The following MTMR10 variants were observed in gnomAD, a reference collection of about 807,000 sequenced individuals.
MTMR10 encodes the protein myotubularin-related protein 10.
MTMR10 carries 56 observed loss-of-function variants against 88.1 expected under a neutral mutation model. The ratio of observed to expected loss-of-function variants is 0.64; its 90% confidence interval spans 0.51 to 0.79. The LOEUF (loss-of-function observed/expected upper bound fraction) is 0.79. Ranked by LOEUF, MTMR10 falls within the 30% of genes least tolerant of loss-of-function variation. The pLI is 0.00. For missense variants in MTMR10, 883 were observed against 924.7 expected (o/e 0.95, Z 0.58); for synonymous variants, 380 against 340.9 (o/e 1.11, Z -1.26).
chr15:30,953,204 G>T (rs756530070), intron 11 of MTMR10, among the ~76,000 whole-genome samples: 2 of 152,240 alleles, frequency 1.3e-5, no homozygotes, highest in Non-Finnish European at 2.9e-5. Context: ...AACAGACACA[G>T]ATGGCGATGA....
intron 14 of MTMR10, chr15:30,946,832 C>T: frequency 1.5e-6 from 1 of 672,762 alleles, no homozygotes; most frequent in Non-Finnish European, 2.7e-6. Context: ...ACCCAATAGC[C>T]CAAATGTGAA....
intron 3 of MTMR10, among the ~76,000 whole-genome samples, chr15:30,976,315 T>C (rs2030148864): frequency 1.3e-5 from 2 of 151,838 alleles, no homozygotes; most frequent in African/African-American, 4.8e-5. Flanking sequence ...GGTGGCAGGA[T>C]AGCTTGAGCC....
chr15:30,950,799 T>A (rs896364807), intron 12 of MTMR10, among the ~76,000 whole-genome samples: 1 of 152,184 alleles, frequency 6.6e-6, no homozygotes, highest in Non-Finnish European at 1.5e-5. Context: ...GATACCAAGA[T>A]CCACAAATGC....
At position 30,954,902 on chromosome 15, in the gene MTMR10, G is replaced by C; in HGVS notation, c.936-9C>G. 2.0e-6 allele frequency: 3 copies of C among 1,534,398 alleles called. No individual in the cohort carries two copies. The highest frequency in any genetic ancestry group is 2.5e-5 in the East Asian group (1 of 40,662). Reference sequence around the variant, plus strand: ...TTATTGCATTACAAATCCTAATAAAGACAAAAATACTTTAGTCATTACTCA... The same window carrying C: ...TTATTGCATTACAAATCCTAATAAACACAAAAATACTTTAGTCATTACTCA... On this transcript the variant is annotated splice_polypyrimidine_tract_variant and intron_variant, in intron 9 of 15. Coordinates refer to ENST00000435680, the MANE Select transcript of MTMR10 (RefSeq NM_017762.3).
At position 30,939,050 on chromosome 15, in the gene MTMR10, C is replaced by G; in HGVS notation, c.*2420G>C. 1 of 985,392 alleles carries G rather than the reference C, an allele frequency of 1.0e-6. No individual in the cohort carries two copies. The highest frequency in any genetic ancestry group is 1.2e-6 in the Non-Finnish European group (1 of 829,926). The allele number at this position is 985,392 out of a possible 1,614,324, so 61.0% of individuals were successfully genotyped here. On this transcript the variant is annotated 3_prime_UTR_variant, in exon 16 of 16. Transcript: ENST00000435680. ...CTCATCCCACTTGAACTCAAGTCAT[C>G]AATTTTAGGCACAAAGGTTTTAGTT... is the stretch of plus-strand genomic sequence containing the variant.
chr15:30,951,109 A>G (rs190358483), intron 12 of MTMR10, among the ~76,000 whole-genome samples: 1 of 152,360 alleles, frequency 6.6e-6, no homozygotes, highest in Admixed American at 6.5e-5. Flanking sequence ...TTTTTAGTCT[A>G]TTGAACTTTA....
chr15:30,933,018 C>A, the MTMR10 span, among the ~76,000 whole-genome samples: 3 of 152,020 alleles, frequency 2.0e-5, no homozygotes, highest in Admixed American at 1.3e-4. Context: ...CCGCACACGG[C>A]CATGTATTTC....
intron 5 of MTMR10, among the ~76,000 whole-genome samples, chr15:30,971,096 T>C (rs1284442564): frequency 6.6e-6 from 1 of 152,122 alleles, no homozygotes; most frequent in African/African-American, 2.4e-5. Context: ...GGCCCCATTC[T>C]TTGCACTTTT....
At chr15:30,925,012 A>C in the MTMR10 span, 3 of 1,110,966 alleles carry the variant, frequency 2.7e-6, no homozygotes, top group African/African-American at 4.7e-5. Context: ...CTGTTTGCTC[A>C]TTTGCTAATC....
At chr15:30,972,480 G>T (rs879088526) in intron 5 of MTMR10, among the ~76,000 whole-genome samples, 1 of 151,988 alleles carries the variant, frequency 6.6e-6, no homozygotes, top group Admixed American at 6.6e-5. Flanking sequence ...TCTGAAACTT[G>T]GTCTTAGGAA....
intron 14 of MTMR10, chr15:30,944,021 C>CA (rs375776610): frequency 0.036 from 34,554 of 970,566 alleles, 527 homozygotes; most frequent in Non-Finnish European, 0.038. Context: ...AATTTTCTAC[C>CA]AAAAAAAAAC....
intron 15 of MTMR10, chr15:30,942,555 T>C (rs2063090563): frequency 2.9e-6 from 1 of 341,340 alleles, no homozygotes; most frequent in South Asian, 7.6e-5. Context: ...AATATAGCAG[T>C]CAGGAGGCCA....
intron 4 of MTMR10, among the ~76,000 whole-genome samples, chr15:30,974,689 G>T (rs2029981727): frequency 6.6e-6 from 1 of 151,974 alleles, no homozygotes; most frequent in African/African-American, 2.4e-5. Context: ...CACATTTAAT[G>T]ATTAATTTTA....
intron 13 of MTMR10, 128 bp from the exon 14 acceptor site, chr15:30,947,428 C>T: frequency 9.1e-7 from 1 of 1,095,234 alleles, no homozygotes; most frequent in Non-Finnish European, 1.3e-6. Flanking sequence ...AAACACTTGC[C>T]TTCTAAGCTG....
At chr15:30,974,184 A>T in intron 5 of MTMR10, 130 bp downstream of exon 5, 2 of 886,636 alleles carry the variant, frequency 2.3e-6, no homozygotes, top group Non-Finnish European at 3.0e-6. Context: ...CTTTGACTTT[A>T]CTTAAGAAGA....
In MTMR10 at chr15:30,964,436, G is replaced by A. The variant is rs1230125477; in HGVS notation, c.566-3363C>T. ...AAATGAGAACATCTATATTTTCTAA[G>A]CATAAAGTGAGATCCTCTATCGTTT... On this transcript the variant is annotated intron_variant, in intron 6 of 15. Transcript: ENST00000435680. Among the ~76,000 whole-genome samples the A allele has an allele frequency of 2.0e-5, 3 of 152,298 alleles. No individual in the cohort carries two copies. The East Asian group carries it at 5.8e-4, about 29-fold the overall frequency.
Position 30,964,767 on chromosome 15 carries a change from G to A in MTMR10, c.565+3153C>T, listed in dbSNP as rs577832001. Reference sequence around the variant, plus strand: ...TGAGGTTTTATGACATGCCTCCACAGCAGACTAAGCGTGAAATAGATATTA... The same window carrying A: ...TGAGGTTTTATGACATGCCTCCACAACAGACTAAGCGTGAAATAGATATTA... On this transcript the variant is annotated intron_variant, in intron 6 of 15. Coordinates refer to ENST00000435680, the MANE Select transcript of MTMR10 (RefSeq NM_017762.3). Among the ~76,000 whole-genome samples the A allele has an allele frequency of 5.9e-5, 9 of 152,316 alleles. No homozygotes were observed. In the South Asian group the frequency reaches 1.7e-3, roughly 28 times the overall value.
intron 15 of MTMR10, chr15:30,942,377 C>T (rs1482794091): frequency 2.6e-6 from 1 of 390,598 alleles, no homozygotes; most frequent in Admixed American, 4.2e-5. Context: ...TAGACCTGGC[C>T]GATTCTATCA....
rs573813323 is a variant in MTMR10 at position 30,945,891 on chromosome 15, C to T, written c.1548+1239G>A. Among the ~76,000 whole-genome samples, 103 of 152,270 alleles carry T rather than the reference C, an allele frequency of 6.8e-4. 1 individual carries two copies. The highest frequency in any genetic ancestry group is 6.5e-4 in the Admixed American group (10 of 15,286). On this transcript the variant is annotated intron_variant, in intron 14 of 15. Coordinates refer to ENST00000435680, the MANE Select transcript of MTMR10 (RefSeq NM_017762.3). ...GCAATCTCTGCCTCCTGGGCTTAAG[C>T]CATCCTCCCACCTCAGCCTCCCCAG...
Sources: allele counts gnomAD v4.1 joint callset (sites outside exome capture counted in the v4.1 genomes callset), GRCh38; gene constraint gnomAD v4.1.1; transcripts MANE v1.5; gene names NCBI Gene and HGNC (gene_info 2026-07-23, HGNC 2026-07-21).